Variants in ZNF385D observed in about 807,000 individuals in gnomAD.
ZNF385D encodes zinc finger protein 385D.
Under a neutral mutation model 35.8 loss-of-function variants are expected in ZNF385D, and 15 were observed. The observed-to-expected ratio is 0.42, with a 90% CI of 0.28 to 0.64. The LOEUF (loss-of-function observed/expected upper bound fraction) is 0.64. Among genes scored for constraint, ZNF385D ranks in the 30% least tolerant of loss-of-function variants. The probability of loss-of-function intolerance (pLI) is 0.23; values close to 1 mark genes in which losing one functional copy is unlikely to be tolerated. For missense variants in ZNF385D, 474 were observed against 494.6 expected (o/e 0.96, Z 0.39); for synonymous variants, 212 against 186.8 (o/e 1.13, Z -1.10).
intron 3 of ZNF385D, among the ~76,000 whole-genome samples, chr3:21,789,301 C>A (rs1309034104): frequency 1.3e-5 from 2 of 152,062 alleles, no homozygotes; most frequent in Non-Finnish European, 2.9e-5. Context: ...CAACCAAGAG[C>A]AAGACACTCC....
chr3:22,169,013 G>A (rs773447470), exon 3 of ZNF385D: 69 of 985,564 alleles, frequency 7.0e-5, no homozygotes, highest in East Asian at 1.1e-4. Flanking sequence ...CCTCACTCTC[G>A]CCATCGTGTA....
chr3:21,997,872 C>CGTGT (rs751459423), intron 3 of ZNF385D, among the ~76,000 whole-genome samples: 96 of 90,194 alleles, frequency 1.1e-3, no homozygotes, highest in East Asian at 3.6e-3. Flanking sequence ...CGCGCGCGCG[C>CGTGT]GTGTGTGTGT....
At chr3:21,673,375 C>T (rs1413550516) in intron 1 of ZNF385D, among the ~76,000 whole-genome samples, 1 of 152,142 alleles carries the variant, frequency 6.6e-6, no homozygotes, top group Non-Finnish European at 1.5e-5. Context: ...ACAGAAGGTG[C>T]TATTGGACAT....
At chr3:22,040,645 A>G (rs982573562) in intron 3 of ZNF385D, among the ~76,000 whole-genome samples, 1 of 152,206 alleles carries the variant, frequency 6.6e-6, no homozygotes, top group African/African-American at 2.4e-5. Flanking sequence ...ATGGTAAAGA[A>G]TTATGGGAAC....
chr3:21,870,308 C>T lies in ZNF385D; in HGVS notation c.326-205280G>A, dbSNP rs182879170. 7.3e-4 allele frequency among the ~76,000 whole-genome samples: 111 copies of T among 152,220 alleles called. 1 individual carries two copies. Among genetic ancestry groups the T allele is most frequent in the Non-Finnish European group, 9.4e-4 (64 of 68,008 alleles). Reference sequence around the variant, plus strand: ...GGAATACAGAGATTGAGCAGTTGTTCCCCAACATGTCTTTTTATTTAGATG... The same window carrying T: ...GGAATACAGAGATTGAGCAGTTGTTTCCCAACATGTCTTTTTATTTAGATG... On this transcript the variant is annotated intron_variant, in intron 3 of 5. Coordinates refer to the ZNF385D transcript ENST00000494108.
At chr3:21,473,696 A>T (rs987388087) in intron 4 of ZNF385D, among the ~76,000 whole-genome samples, 1 of 151,920 alleles carries the variant, frequency 6.6e-6, no homozygotes, top group Non-Finnish European at 1.5e-5. Flanking sequence ...TAATATGCTA[A>T]TTTTTTCTTG....
At chr3:21,845,437 C>G (rs1185360262) in intron 3 of ZNF385D, among the ~76,000 whole-genome samples, 4 of 151,976 alleles carry the variant, frequency 2.6e-5, no homozygotes, top group Non-Finnish European at 4.4e-5. Flanking sequence ...TCTTTCTTCT[C>G]TTTAAATCCC....
intron 3 of ZNF385D, among the ~76,000 whole-genome samples, chr3:21,959,544 A>G (rs1702469856): frequency 1.3e-5 from 2 of 152,194 alleles, no homozygotes; most frequent in South Asian, 4.1e-4. Flanking sequence ...GAACCATGTA[A>G]GGTACTTGCC....
At chr3:21,511,158 G>A (rs765801206) in intron 3 of ZNF385D, 135 bp from the exon 4 acceptor site, 2 of 1,062,078 alleles carry the variant, frequency 1.9e-6, no homozygotes, top group Non-Finnish European at 2.7e-6. Flanking sequence ...CAGACAGTGG[G>A]GTTCTATTTA....
At chr3:22,101,485 C>G (rs115583566) in intron 3 of ZNF385D, among the ~76,000 whole-genome samples, 3 of 152,024 alleles carry the variant, frequency 2.0e-5, no homozygotes, top group Non-Finnish European at 2.9e-5. Context: ...TGCTAGTAAT[C>G]AGCAGATGTA....
intron 3 of ZNF385D, among the ~76,000 whole-genome samples, chr3:21,931,876 T>C (rs1359598761): frequency 6.6e-6 from 1 of 152,070 alleles, no homozygotes; most frequent in Admixed American, 6.6e-5. Context: ...GAAGTGTGAC[T>C]TGAGGCCGGG....
At chr3:21,537,219 G>T (rs112812597) in intron 3 of ZNF385D, among the ~76,000 whole-genome samples, 11 of 134,534 alleles carry the variant, frequency 8.2e-5, no homozygotes, top group Middle Eastern at 4.5e-3. Flanking sequence ...TGCAACCTCC[G>T]CCTCCTGGGT....
chr3:21,508,969 C>CAT (rs1706991228), intron 4 of ZNF385D, among the ~76,000 whole-genome samples: 1 of 142,410 alleles, frequency 7.0e-6, no homozygotes, highest in Admixed American at 7.0e-5. Flanking sequence ...CACCTGGGGG[C>CAT]TTTTTTTTTT....
At chr3:22,367,820 C>CA (rs200827406) in intron 2 of ZNF385D, among the ~76,000 whole-genome samples, 4 of 151,926 alleles carry the variant, frequency 2.6e-5, no homozygotes, top group Admixed American at 2.0e-4. Flanking sequence ...TATAAGATAA[C>CA]AAAAAAAGTT....
intron 1 of ZNF385D, among the ~76,000 whole-genome samples, chr3:21,706,143 T>C (rs903972736): frequency 6.6e-6 from 1 of 152,212 alleles, no homozygotes; most frequent in African/African-American, 2.4e-5. Flanking sequence ...GACTGTAAAA[T>C]TGGCTTACCT....
intron 2 of ZNF385D, among the ~76,000 whole-genome samples, chr3:22,187,096 C>T (rs1213335073): frequency 6.6e-6 from 1 of 152,118 alleles, no homozygotes; most frequent in Non-Finnish European, 1.5e-5. Flanking sequence ...GAGGAGATCA[C>T]ACAATCTAAC....
At chr3:21,702,378 G>A (rs1159572565) in intron 1 of ZNF385D, among the ~76,000 whole-genome samples, 1 of 152,202 alleles carries the variant, frequency 6.6e-6, no homozygotes, top group Admixed American at 6.5e-5. Flanking sequence ...AGGGCACCAA[G>A]TCCCTAGGGT....
intron 2 of ZNF385D, among the ~76,000 whole-genome samples, chr3:22,267,426 TATAAG>T (rs1409002345): frequency 1.3e-5 from 2 of 151,642 alleles, no homozygotes; most frequent in African/African-American, 4.8e-5. Flanking sequence ...GAAAAAAAAA[TATAAG>T]GTAAAGAATA....
chr3:21,549,823 C>T (rs1016592788), intron 3 of ZNF385D, among the ~76,000 whole-genome samples: 1 of 152,176 alleles, frequency 6.6e-6, no homozygotes, highest in African/African-American at 2.4e-5. Flanking sequence ...TGTTTCAAAG[C>T]TGCCTGAAAA....
Sources: allele counts gnomAD v4.1 joint callset (sites outside exome capture counted in the v4.1 genomes callset), GRCh38; gene constraint gnomAD v4.1.1; transcripts MANE v1.5; gene names NCBI Gene and HGNC (gene_info 2026-07-23, HGNC 2026-07-21).